FHIT: variants seen among roughly 807,000 people sequenced by gnomAD.
FHIT encodes the protein bis(5'-adenosyl)-triphosphatase.
FHIT carries 19 observed loss-of-function variants against 17.9 expected under a neutral mutation model. The observed-to-expected ratio is 1.06, with a 90% CI of 0.74 to 1.56. The LOEUF (loss-of-function observed/expected upper bound fraction) is 1.56. Ranked by LOEUF, FHIT falls within the 40% of genes most tolerant of loss-of-function variation. The pLI is 0.00. For missense variants in FHIT, 248 were observed against 189.2 expected, an observed-to-expected ratio of 1.31 and a Z score of -1.82; for synonymous variants, 81 against 69.7, an observed-to-expected ratio of 1.16 and a Z score of -0.81.
chr3:60,394,563 C>T (rs1003138417), intron 5 of FHIT, among the ~76,000 whole-genome samples: 2 of 152,102 alleles, frequency 1.3e-5, no homozygotes, highest in Non-Finnish European at 2.9e-5. Context: ...CAGGTACCTG[C>T]CTGGGTTCAC....
rs1553778443 is a variant in FHIT at position 60,955,633 on chromosome 3, TAC to T, written c.-111+86412_-111+86413del. Among the ~76,000 whole-genome samples the T allele has an allele frequency of 2.3e-3, 90 of 39,536 alleles. 7 individuals are homozygous for T. Among genetic ancestry groups the T allele is most frequent in the African/African-American group, 7.0e-3 (87 of 12,460 alleles). The allele number at this position is 39,536 out of a possible 152,430, so 25.9% of individuals were successfully genotyped here. On this transcript the variant is annotated intron_variant, in intron 3 of 9. Coordinates refer to ENST00000492590, the MANE Select transcript of FHIT (RefSeq NM_002012.4). ...ATATATATATATATATATATATATATACACACACACACATATATACATGTGAC... is the reference window on the plus strand; with the variant it reads ...ATATATATATATATATATATATATATACACACACACATATATACATGTGAC...
At chr3:60,271,554 A>G (rs1326953182) in intron 5 of FHIT, among the ~76,000 whole-genome samples, 1 of 152,198 alleles carries the variant, frequency 6.6e-6, no homozygotes, top group African/African-American at 2.4e-5. Context: ...TGGAGATTCA[A>G]AATAATCTAA....
intron 5 of FHIT, among the ~76,000 whole-genome samples, chr3:60,119,909 G>C (rs1705169492): frequency 6.6e-6 from 1 of 152,072 alleles, no homozygotes; most frequent in Non-Finnish European, 1.5e-5. Flanking sequence ...TCAGAATCAA[G>C]CCCAAATACC....
intron 5 of FHIT, among the ~76,000 whole-genome samples, chr3:60,263,852 C>T (rs35397711): frequency 0.046 from 6,908 of 150,650 alleles, 261 homozygotes; most frequent in Non-Finnish European, 0.066. Context: ...TCTTCATTTG[C>T]AATCTAGCTT....
intron 2 of FHIT, among the ~76,000 whole-genome samples, chr3:61,096,821 A>G (rs967235616): frequency 2.0e-5 from 3 of 152,154 alleles, no homozygotes; most frequent in Non-Finnish European, 2.9e-5. Flanking sequence ...AGTGAGCTGG[A>G]AAAAAGAGGC....
At chr3:61,028,161 A>C (rs1042478783) in intron 3 of FHIT, among the ~76,000 whole-genome samples, 1 of 152,224 alleles carries the variant, frequency 6.6e-6, no homozygotes. Flanking sequence ...CCTATCCTGC[A>C]CAATGATGAA....
chr3:60,693,786 A>G (rs2041049051), intron 4 of FHIT, among the ~76,000 whole-genome samples: 1 of 152,214 alleles, frequency 6.6e-6, no homozygotes, highest in Non-Finnish European at 1.5e-5. Context: ...ATCTGTAAGT[A>G]CTAGATATTA....
intron 5 of FHIT, among the ~76,000 whole-genome samples, chr3:60,337,850 A>C (rs1710317547): frequency 6.6e-6 from 1 of 152,160 alleles, no homozygotes; most frequent in Non-Finnish European, 1.5e-5. Flanking sequence ...CATAAAGAAA[A>C]CAGTTTGCAT....
chr3:60,853,569 G>C (rs1553749059), intron 3 of FHIT, among the ~76,000 whole-genome samples: 1 of 152,048 alleles, frequency 6.6e-6, no homozygotes, highest in Admixed American at 6.6e-5. Context: ...TATAAAGCAA[G>C]GTCGTCTCTT....
intron 4 of FHIT, among the ~76,000 whole-genome samples, chr3:60,598,187 G>A (rs2038331203): frequency 6.6e-6 from 1 of 152,072 alleles, no homozygotes; most frequent in Admixed American, 6.6e-5. Context: ...ACAAGATTTG[G>A]GGGGACAATT....
At chr3:60,423,853 T>C (rs1235069398) in intron 5 of FHIT, among the ~76,000 whole-genome samples, 2 of 152,126 alleles carry the variant, frequency 1.3e-5, no homozygotes, top group Non-Finnish European at 2.9e-5. Flanking sequence ...GTTTCAATTT[T>C]TTAAGTGTAG....
intron 8 of FHIT, among the ~76,000 whole-genome samples, chr3:59,783,877 G>A (rs951710196): frequency 4.6e-5 from 7 of 152,132 alleles, no homozygotes; most frequent in Admixed American, 2.6e-4. Context: ...GTTCCTGTAA[G>A]GAACCACAGG....
intron 5 of FHIT, among the ~76,000 whole-genome samples, chr3:60,142,544 G>C (rs1450213129): frequency 6.6e-6 from 1 of 152,014 alleles, no homozygotes; most frequent in Non-Finnish European, 1.5e-5. Context: ...TGTTGTCCAG[G>C]CTGCAGTGCA....
Position 60,720,729 on chromosome 3 carries a change from G to A in FHIT, c.-18+101190C>T, listed in dbSNP as rs114156902. Among the ~76,000 whole-genome samples the A allele has an allele frequency of 6.7e-3, 1,026 of 152,190 alleles. 21 individuals carry two copies. Among genetic ancestry groups the A allele is most frequent in the African/African-American group, 0.023 (943 of 41,526 alleles). Reference sequence around the variant, plus strand: ...CAGCCAAAGTGTGACTGCTTTACTCGTTGTCTCACTGTGGTCTCCCAGCCT... The same window carrying A: ...CAGCCAAAGTGTGACTGCTTTACTCATTGTCTCACTGTGGTCTCCCAGCCT... On this transcript the variant is annotated intron_variant, in intron 4 of 9. Transcript: ENST00000492590.
chr3:60,293,490 G>C (rs896546167), intron 5 of FHIT, among the ~76,000 whole-genome samples: 8 of 152,110 alleles, frequency 5.3e-5, no homozygotes, highest in African/African-American at 1.9e-4. Context: ...TTCTCTGCCA[G>C]CAAACAACGT....
At chr3:59,939,611 CAT>C (rs1328360773) in intron 7 of FHIT, among the ~76,000 whole-genome samples, 2 of 152,152 alleles carry the variant, frequency 1.3e-5, no homozygotes, top group Admixed American at 6.5e-5. Flanking sequence ...GTGTACTTGA[CAT>C]GTGAAAAAAT....
At chr3:59,752,182 C>T (rs1334166018) in intron 9 of FHIT, 39 bp downstream of exon 9, 1 of 1,444,078 alleles carries the variant, frequency 6.9e-7, no homozygotes, top group Non-Finnish European at 9.7e-7. Flanking sequence ...TCCTGAGGCC[C>T]ACGGGAGGGT....
At chr3:60,552,176 TA>T (rs1004980415) in intron 4 of FHIT, among the ~76,000 whole-genome samples, 9 of 152,184 alleles carry the variant, frequency 5.9e-5, no homozygotes, top group Non-Finnish European at 1.3e-4. Flanking sequence ...TTATTCCTTT[TA>T]AAGGCTGAAT....
chr3:59,873,916 T>C (rs1012548127), intron 8 of FHIT, among the ~76,000 whole-genome samples: 79 of 152,304 alleles, frequency 5.2e-4, no homozygotes, highest in African/African-American at 1.7e-3. Flanking sequence ...CTCATGCAGA[T>C]TGAAGAGGAA....
Sources: allele counts gnomAD v4.1 joint callset (sites outside exome capture counted in the v4.1 genomes callset), GRCh38; gene constraint gnomAD v4.1.1; transcripts MANE v1.5; gene names NCBI Gene and HGNC (gene_info 2026-07-23, HGNC 2026-07-21).